Variants in ANKFY1 observed in about 807,000 individuals in gnomAD.
ANKFY1 encodes the protein ankyrin repeat and FYVE domain-containing protein 1.
Under a neutral mutation model 128.3 loss-of-function variants are expected in ANKFY1, and 47 were observed. That is an observed-to-expected ratio of 0.37 (90% CI 0.29 to 0.47). The LOEUF (loss-of-function observed/expected upper bound fraction) is 0.47. ANKFY1 is among the 20% of genes least tolerant of loss of function. The pLI, the probability that ANKFY1 is intolerant of heterozygous loss-of-function variation, is 1.00. For missense variants in ANKFY1, 1,222 were observed against 1,510.6 expected, an observed-to-expected ratio of 0.81 and a Z score of 3.17; for synonymous variants, 553 against 601.6, an observed-to-expected ratio of 0.92 and a Z score of 1.18.
chr17:4,210,611 G>C (rs2060109454), intron 4 of ANKFY1, among the ~76,000 whole-genome samples: 1 of 146,222 alleles, frequency 6.8e-6, no homozygotes, highest in African/African-American at 2.5e-5. Flanking sequence ...GGGAGGCTGA[G>C]GCAGGAGAAT....
intron 3 of ANKFY1, among the ~76,000 whole-genome samples, chr17:4,234,022 T>C (rs1430029644): frequency 6.6e-6 from 1 of 152,242 alleles, no homozygotes; most frequent in Non-Finnish European, 1.5e-5. Flanking sequence ...AACTTTTCTA[T>C]GTTTAGATAT....
At position 4,216,172 on chromosome 17, in the gene ANKFY1, G is replaced by A. The variant is rs546278796; in HGVS notation, c.458+811C>T. 1.6e-3 allele frequency among the ~76,000 whole-genome samples: 237 copies of A among 152,350 alleles called. 1 individual carries two copies. Among genetic ancestry groups the A allele is most frequent in the African/African-American group, 5.5e-3 (229 of 41,572 alleles). On this transcript the variant is annotated intron_variant, in intron 4 of 24. Coordinates refer to ENST00000341657, the MANE Select transcript of ANKFY1 (RefSeq NM_001330063.2). ...CAGCCCATGACGAAAACAGCAAGCAGCTCTAGGCAGCAAAGTCTCTCTAGG... is the reference window on the plus strand; with the variant it reads ...CAGCCCATGACGAAAACAGCAAGCAACTCTAGGCAGCAAAGTCTCTCTAGG...
At chr17:4,255,261 T>C (rs909802219) in intron 1 of ANKFY1, among the ~76,000 whole-genome samples, 1 of 150,444 alleles carries the variant, frequency 6.6e-6, no homozygotes, top group African/African-American at 2.5e-5. Context: ...TTTTTTTTTT[T>C]TTTGAGACAA....
chr17:4,171,216 T>C (rs1392938173), intron 22 of ANKFY1, among the ~76,000 whole-genome samples: 1 of 152,232 alleles, frequency 6.6e-6, no homozygotes, highest in Non-Finnish European at 1.5e-5. Context: ...TCCTCTGGCA[T>C]GAAACACTGG....
At chr17:4,208,215 T>A (rs1350009226) in intron 5 of ANKFY1, 133 bp from the exon 6 acceptor site, 1 of 780,002 alleles carries the variant, frequency 1.3e-6, no homozygotes, top group Non-Finnish European at 1.9e-6. Context: ...CATTTATTTC[T>A]CCCCAAAACC....
At chr17:4,190,685 A>G (rs2059701214) in intron 10 of ANKFY1, among the ~76,000 whole-genome samples, 2 of 152,336 alleles carry the variant, frequency 1.3e-5, no homozygotes, top group South Asian at 2.1e-4. Context: ...TTGGAAAGAA[A>G]AAAATGAGTT....
Position 4,195,125 on chromosome 17 carries a change from C to T in ANKFY1, c.1225G>A (p.Val409Met). 1 of 1,614,000 alleles carries T rather than the reference C, an allele frequency of 6.2e-7. No individual in the cohort carries two copies. Among genetic ancestry groups the T allele is most frequent in the Non-Finnish European group, 8.5e-7 (1 of 1,179,874 alleles). Residue 409 changes from valine to methionine, a missense_variant, in exon 10 of 25, where the codon GTG becomes ATG. By Grantham distance (21) the Val-to-Met change is conservative (BLOSUM62 1). Transcript: ENST00000341657. The stretch of plus-strand genomic sequence containing the variant: ...TCAGAAGACACTGTGATATGCTGCA[C>T]TGCCAGCCACAGAGCCGTGCTGCCC... ...HEGSTALWLA[V>M]QHITVSSDQS...
intron 16 of ANKFY1, chr17:4,180,217 C>A: frequency 4.3e-6 from 1 of 230,340 alleles, no homozygotes; most frequent in Non-Finnish European, 8.6e-6. Flanking sequence ...CACCTCAGGT[C>A]AGGAGTCCAC....
chr17:4,242,723 G>A (rs1464108063), intron 1 of ANKFY1, among the ~76,000 whole-genome samples: 4 of 152,034 alleles, frequency 2.6e-5, no homozygotes, highest in Non-Finnish European at 5.9e-5. Flanking sequence ...CTGTCTCCAC[G>A]TTTTTAAATA....
intron 1 of ANKFY1, among the ~76,000 whole-genome samples, chr17:4,260,814 T>C (rs1322536773): frequency 1.3e-5 from 2 of 152,140 alleles, no homozygotes; most frequent in Non-Finnish European, 2.9e-5. Flanking sequence ...AGCTGTATCC[T>C]CAGTCTCTCA....
At chr17:4,222,330 T>C (rs1203907997) in intron 3 of ANKFY1, 1 of 746,484 alleles carries the variant, frequency 1.3e-6, no homozygotes, top group East Asian at 2.5e-5. Context: ...CAGAACTTTA[T>C]TATGTGACAA....
intron 1 of ANKFY1, among the ~76,000 whole-genome samples, chr17:4,248,272 G>C (rs192885112): frequency 1.9e-3 from 282 of 152,334 alleles, no homozygotes; most frequent in African/African-American, 6.6e-3. Context: ...TCCGCCTCCT[G>C]TGAGATCAGC....
intron 3 of ANKFY1, among the ~76,000 whole-genome samples, chr17:4,232,489 CAT>C (rs1231601999): frequency 1.3e-5 from 2 of 152,230 alleles, no homozygotes; most frequent in Non-Finnish European, 2.9e-5. Context: ...AAAAATGCCA[CAT>C]GTTCTCCTAT....
intron 8 of ANKFY1, 84 bp downstream of exon 8, chr17:4,197,289 A>G: frequency 7.1e-7 from 1 of 1,404,280 alleles, no homozygotes; most frequent in South Asian, 1.2e-5. Context: ...AAAGAACATG[A>G]ACTCCCCGTA....
chr17:4,212,182 A>C (rs1818025963), intron 4 of ANKFY1, among the ~76,000 whole-genome samples: 1 of 152,230 alleles, frequency 6.6e-6, no homozygotes, highest in Admixed American at 6.5e-5. Flanking sequence ...GGGCAGTCAC[A>C]GACGACTAGT....
chr17:4,173,996 C>T lies in ANKFY1; in HGVS notation c.2836G>A (p.Ala946Thr), dbSNP rs202223636. Residue 946 changes from alanine to threonine, a missense_variant, in exon 20 of 25, where the codon GCT becomes ACT. Coordinates refer to ENST00000341657, the MANE Select transcript of ANKFY1 (RefSeq NM_001330063.2). ...ATGGTGGGCAGGTCCTGCTGGGCAG[C>T]AAGATGGAGGGCAGTCTGGCGATGC... ...TKHRQTALHL[A>T]AQQDLPTICS... 35 of 1,614,100 alleles carry T rather than the reference C, an allele frequency of 2.2e-5. No individual in the cohort carries two copies. Among genetic ancestry groups the T allele is most frequent in the Middle Eastern group, 1.6e-4 (1 of 6,080 alleles).
chr17:4,233,974 T>C (rs2060558982), intron 3 of ANKFY1, among the ~76,000 whole-genome samples: 1 of 152,342 alleles, frequency 6.6e-6, no homozygotes, highest in Non-Finnish European at 1.5e-5. Flanking sequence ...GCAGATACGA[T>C]GATGGTCCCG....
intron 3 of ANKFY1, among the ~76,000 whole-genome samples, chr17:4,231,119 G>A (rs900384987): frequency 3.3e-5 from 5 of 152,142 alleles, no homozygotes; most frequent in African/African-American, 9.7e-5. Context: ...GAAACACTCT[G>A]GCTGATTATT....
chr17:4,178,409 C>CCAT lies in ANKFY1; in HGVS notation c.2598+445_2598+447dup, dbSNP rs1171316423. ...CTGCTTGTTGCAGATCAACAGTTCA[C>CCAT]CATCCCGATGTAGCAGCTGGTAAAG... is the stretch of plus-strand genomic sequence containing the variant. On this transcript the variant is annotated intron_variant, in intron 18 of 24. Transcript: ENST00000341657. The surrounding 1 kb of genome is among the most constrained non-coding windows in gnomAD (Gnocchi z 4.1). The CCAT allele has an allele frequency of 4.9e-6, 1 of 202,138 alleles. No individual in the cohort carries two copies. The highest frequency in any genetic ancestry group is 1.0e-5 in the Non-Finnish European group (1 of 95,882). 12.5% of individuals were successfully genotyped at this position (202,138 alleles called of 1,614,324 possible).
Sources: gnomAD v4.1 joint callset for allele counts (sites outside exome capture counted in the v4.1 genomes callset) on GRCh38, gnomAD v4.1.1 for gene constraint, Gnocchi (gnomAD v3.1) non-coding constraint, MANE v1.5 for transcripts, NCBI Gene and HGNC (gene_info 2026-07-23, HGNC 2026-07-21) for gene names.